CSMD3: variants seen among roughly 807,000 people sequenced by gnomAD.
CSMD3 encodes CUB and Sushi multiple domains 3, also known as CUB and sushi domain-containing protein 3.
In CSMD3, 177 loss-of-function variants were observed where a neutral mutation model predicts 435.2. That is an observed-to-expected ratio of 0.41 (90% confidence interval 0.36 to 0.46). CSMD3 has a LOEUF of 0.46. Ranked by LOEUF, CSMD3 falls within the 20% of genes least tolerant of loss-of-function variation. The probability of loss-of-function intolerance (pLI) is 0.34; values close to 1 mark genes in which losing one functional copy is unlikely to be tolerated. For synonymous variants in CSMD3, 1,656 were observed against 1,520.5 expected (o/e 1.09, Z -2.07); for missense variants, 4,265 against 4,504.6 (o/e 0.95, Z 1.52).
At chr8:112,441,015 C>T (rs1045103132) in intron 32 of CSMD3, among the ~76,000 whole-genome samples, 1 of 152,222 alleles carries the variant, frequency 6.6e-6, no homozygotes, top group Admixed American at 6.5e-5. Context: ...ATTTCTTTAG[C>T]TGGCTTGAAT....
chr8:113,180,391 C>T (rs1371666984), intron 3 of CSMD3, among the ~76,000 whole-genome samples: 1 of 152,004 alleles, frequency 6.6e-6, no homozygotes, highest in Non-Finnish European at 1.5e-5. Flanking sequence ...TTTGAGCAAA[C>T]ATTTTATGAG....
chr8:113,350,349 C>T (rs1285753407), intron 1 of CSMD3, among the ~76,000 whole-genome samples: 2 of 152,072 alleles, frequency 1.3e-5, no homozygotes, highest in Non-Finnish European at 2.9e-5. Context: ...AAAGAGTTAA[C>T]TTCAAACTCT....
At chr8:113,237,678 C>A (rs548054929) in intron 3 of CSMD3, among the ~76,000 whole-genome samples, 28 of 152,278 alleles carry the variant, frequency 1.8e-4, no homozygotes, top group African/African-American at 6.5e-4. Context: ...CAGTTTACAG[C>A]TTCAGTCTTT....
At chr8:113,404,633 T>G (rs2094524553) in intron 1 of CSMD3, among the ~76,000 whole-genome samples, 1 of 151,318 alleles carries the variant, frequency 6.6e-6, no homozygotes, top group African/African-American at 2.4e-5. Context: ...CACTCATCTA[T>G]TCAGCAAACA....
intron 22 of CSMD3, among the ~76,000 whole-genome samples, chr8:112,614,734 ATTTTAT>A (rs1260560025): frequency 6.6e-6 from 1 of 152,082 alleles, no homozygotes; most frequent in Non-Finnish European, 1.5e-5. Context: ...TAGATATTGA[ATTTTAT>A]TTTTTAGTTT....
intron 13 of CSMD3, among the ~76,000 whole-genome samples, chr8:112,798,806 G>A (rs952180844): frequency 2.0e-5 from 3 of 151,800 alleles, no homozygotes; most frequent in Non-Finnish European, 4.4e-5. Context: ...TCGTAAGATG[G>A]AGAAAATAAC....
rs1267071886 is a variant in CSMD3 at position 112,977,013 on chromosome 8, A to G, written c.1031-865T>C. Among the ~76,000 whole-genome samples the G allele has an allele frequency of 2.6e-5, 4 of 151,986 alleles. No individual in the cohort carries two copies. In the East Asian group the frequency reaches 7.7e-4, roughly 29 times the overall value. Reference sequence around the variant, plus strand: ...TACCACATTTTTATTCTAATTAAATATTTTTTAATAATTTAGAAGTATGTA... The same window carrying G: ...TACCACATTTTTATTCTAATTAAATGTTTTTTAATAATTTAGAAGTATGTA... On this transcript the variant is annotated intron_variant, in intron 6 of 70. Coordinates refer to ENST00000297405, the MANE Select transcript of CSMD3 (RefSeq NM_198123.2).
intron 3 of CSMD3, among the ~76,000 whole-genome samples, chr8:113,236,807 A>G (rs1315981172): frequency 2.0e-5 from 3 of 152,046 alleles, no homozygotes; most frequent in Non-Finnish European, 4.4e-5. Context: ...CCTCTCATCT[A>G]TCTATCTATC....
At chr8:112,737,075 G>T (rs1466522791) in intron 13 of CSMD3, among the ~76,000 whole-genome samples, 1 of 151,910 alleles carries the variant, frequency 6.6e-6, no homozygotes, top group Non-Finnish European at 1.5e-5. Flanking sequence ...AAAGAAATCT[G>T]AGAGAGACAT....
At chr8:113,112,749 C>G (rs2090701245) in intron 4 of CSMD3, among the ~76,000 whole-genome samples, 1 of 151,926 alleles carries the variant, frequency 6.6e-6, no homozygotes, top group Admixed American at 6.6e-5. Context: ...GAACTTTGTT[C>G]CAAGAGTGTT....
intron 32 of CSMD3, among the ~76,000 whole-genome samples, chr8:112,464,008 G>A (rs1026857555): frequency 2.6e-5 from 4 of 151,978 alleles, no homozygotes; most frequent in African/African-American, 4.8e-5. Flanking sequence ...AGGCCGAGGC[G>A]GGCAGATCAC....
chr8:113,236,346 C>T (rs1408723800), intron 3 of CSMD3, among the ~76,000 whole-genome samples: 1 of 152,148 alleles, frequency 6.6e-6, no homozygotes, highest in Non-Finnish European at 1.5e-5. Context: ...TGTACTTTTG[C>T]TTTGCAGTAA....
intron 2 of CSMD3, among the ~76,000 whole-genome samples, chr8:113,283,159 C>T (rs1351769351): frequency 1.3e-5 from 2 of 151,918 alleles, no homozygotes; most frequent in Non-Finnish European, 1.5e-5. Flanking sequence ...AAAACTCTTG[C>T]AGACATTGGC....
chr8:113,146,079 A>ATAATGTAAAATGTAT (rs2091666415), intron 4 of CSMD3, among the ~76,000 whole-genome samples: 2 of 151,654 alleles, frequency 1.3e-5, no homozygotes, highest in South Asian at 4.2e-4. Context: ...ATAAAATGTA[A>ATAATGTAAAATGTAT]ATATATAATG....
intron 50 of CSMD3, among the ~76,000 whole-genome samples, chr8:112,308,941 A>G (rs187463551): frequency 4.7e-4 from 71 of 152,154 alleles, no homozygotes; most frequent in African/African-American, 1.7e-3. Flanking sequence ...TGACATACAA[A>G]CATTTCATTT....
intron 1 of CSMD3, among the ~76,000 whole-genome samples, chr8:113,420,094 A>G (rs2094602556): frequency 6.6e-6 from 1 of 152,192 alleles, no homozygotes; most frequent in African/African-American, 2.4e-5. Flanking sequence ...TTATCAAGAC[A>G]GGAGTTTGCA....
chr8:112,898,926 C>A (rs1464387775), intron 10 of CSMD3, among the ~76,000 whole-genome samples: 1 of 151,092 alleles, frequency 6.6e-6, no homozygotes, highest in Non-Finnish European at 1.5e-5. Flanking sequence ...TTATACTGCT[C>A]TTATTGTGTA....
chr8:112,711,780 G>A (rs2076614927), intron 13 of CSMD3, among the ~76,000 whole-genome samples: 1 of 152,070 alleles, frequency 6.6e-6, no homozygotes, highest in Non-Finnish European at 1.5e-5. Context: ...TAGAGTCACA[G>A]TCTTGCTTTG....
At chr8:113,036,734 T>C (rs2087368314) in intron 5 of CSMD3, among the ~76,000 whole-genome samples, 1 of 152,094 alleles carries the variant, frequency 6.6e-6, no homozygotes, top group Non-Finnish European at 1.5e-5. Context: ...ATTACTCTTC[T>C]TCTGTAGTTT....
Sources: allele counts gnomAD v4.1 joint callset (sites outside exome capture counted in the v4.1 genomes callset), GRCh38; gene constraint gnomAD v4.1.1; transcripts MANE v1.5; gene names NCBI Gene and HGNC (gene_info 2026-07-23, HGNC 2026-07-21).